TRPV1: variants seen among roughly 807,000 people sequenced by gnomAD.
The protein encoded by TRPV1 is OTRPC1.
In TRPV1, 82 loss-of-function variants were observed where a neutral mutation model predicts 82.3. The observed-to-expected ratio is 1.00, with a 90% CI of 0.83 to 1.20. The LOEUF is 1.20. Ranked by LOEUF, TRPV1 falls within the 50% of genes most tolerant of loss-of-function variation. The probability of loss-of-function intolerance (pLI) is 0.00; values close to 1 mark genes in which losing one functional copy is unlikely to be tolerated. For synonymous variants in TRPV1, 515 were observed against 467.7 expected, an observed-to-expected ratio of 1.10 and a Z score of -1.30; for missense variants, 1,067 against 1,096.8, an observed-to-expected ratio of 0.97 and a Z score of 0.38.
chr17:3,593,112 GTGTGTGTGTGTGTGTGTGTGTGTGTC>G lies in TRPV1; in HGVS notation c.-33-755_-33-730del, dbSNP rs1289698303. On this transcript the variant is annotated intron_variant, in intron 2 of 16. Transcript: ENST00000572705. ...TGTGTGTGTGTGTGTGTGTGTGTGT[GTGTGTGTGTGTGTGTGTGTGTGTGTC>G]TGTGTGTCTCACTCTGTCGCCCAGA... Among the ~76,000 whole-genome samples, 163 of 88,452 alleles carry G rather than the reference GTGTGTGTGTGTGTGTGTGTGTGTGTC, an allele frequency of 1.8e-3. 1 individual carries two copies. The African/African-American group carries it at 0.022, about 12-fold the overall frequency. 58.0% of individuals were successfully genotyped at this position (88,452 alleles called of 152,430 possible). A position where few individuals can be genotyped will look rare whatever the true frequency, so the allele number is the denominator to read the frequency against.
At chr17:3,572,008 G>A in intron 15 of TRPV1, 114 bp downstream of exon 15, 1 of 1,379,476 alleles carries the variant, frequency 7.2e-7, no homozygotes, top group South Asian at 1.4e-5. Context: ...CTGGCATTGG[G>A]AGAGCCCCCT....
chr17:3,568,025 T>C (rs189066997), intron 16 of TRPV1, among the ~76,000 whole-genome samples: 2 of 152,048 alleles, frequency 1.3e-5, no homozygotes, highest in East Asian at 1.9e-4. Flanking sequence ...AAGAGTGACA[T>C]TGAAAAACTA....
intron 2 of TRPV1, among the ~76,000 whole-genome samples, chr17:3,594,154 A>AAGCAGCAGCAGCAGC (rs773915600): frequency 1.0e-5 from 1 of 95,394 alleles, no homozygotes; most frequent in Non-Finnish European, 1.9e-5. Context: ...AAAAAAAAAG[A>AAGCAGCAGCAGCAGC]AGCAGCAGCA....
intron 10 of TRPV1, among the ~76,000 whole-genome samples, chr17:3,580,933 C>T (rs184762747): frequency 9.4e-4 from 143 of 151,690 alleles, no homozygotes; most frequent in Admixed American, 2.2e-3. Context: ...GCAAGAAAAT[C>T]GCTTGAACCC....
chr17:3,599,022 T>A (rs924870979), intron 2 of TRPV1, among the ~76,000 whole-genome samples: 6 of 150,622 alleles, frequency 4.0e-5, no homozygotes. Context: ...GTGGATCACC[T>A]GAGGTCAGGA....
intron 10 of TRPV1, among the ~76,000 whole-genome samples, chr17:3,582,121 C>T (rs1024241641): frequency 7.0e-5 from 9 of 127,694 alleles, no homozygotes; most frequent in East Asian, 2.4e-4. Context: ...ACCCAGGAGG[C>T]GGAGCTTGCA....
At chr17:3,590,855 G>T in intron 5 of TRPV1, 109 bp downstream of exon 5, 1 of 1,415,408 alleles carries the variant, frequency 7.1e-7, no homozygotes, top group Non-Finnish European at 9.3e-7. Flanking sequence ...GCAGTGGCTG[G>T]GACAGGGAGT....
intron 7 of TRPV1, 67 bp from the exon 8 acceptor site, chr17:3,588,434 A>G: frequency 6.6e-7 from 1 of 1,504,244 alleles, no homozygotes; most frequent in Non-Finnish European, 9.0e-7. Flanking sequence ...GTACCTCAAC[A>G]ACCAGCTCTG....
In TRPV1 at chr17:3,592,183, C is replaced by T. The variant is rs1318677441; in HGVS notation, c.168G>A (p.Glu56=). ...RTRLFGKGDS[E]EAFPVDCPHE... ...GAGGGCAATCCACCGGGAAAGCCTC[C>T]TCCGAGTCACCCTTCCCAAAGAGCC... Residue 56 remains glutamate, a synonymous_variant, in exon 3 of 17, where the codon GAG becomes GAA. Coordinates refer to ENST00000572705, the MANE Select transcript of TRPV1 (RefSeq NM_080704.4). 6.2e-7 allele frequency: 1 copy of T among 1,613,574 alleles called. No individual in the cohort carries two copies. The highest frequency in any genetic ancestry group is 1.3e-5 in the African/African-American group (1 of 75,046).
rs967335328 is a variant in TRPV1, at chr17:3,605,043, G to A, written c.-34+3384C>T. Among the ~76,000 whole-genome samples the A allele has an allele frequency of 3.9e-5, 6 of 152,272 alleles. No homozygotes were observed. In the South Asian group the frequency reaches 1.0e-3, roughly 26 times the overall value. ...CAATTTGTCACACTCTGGACATGAC[G>A]ATCACTTTAATGTAAACACATTTAC... On this transcript the variant is annotated intron_variant, in intron 2 of 16. Coordinates refer to ENST00000572705, the MANE Select transcript of TRPV1 (RefSeq NM_080704.4).
At chr17:3,597,262 A>T (rs769437660) in intron 2 of TRPV1, among the ~76,000 whole-genome samples, 1 of 152,162 alleles carries the variant, frequency 6.6e-6, no homozygotes, top group Non-Finnish European at 1.5e-5. Flanking sequence ...CACTTACCAG[A>T]GCCAGCCAGA....
intron 16 of TRPV1, among the ~76,000 whole-genome samples, chr17:3,569,842 C>T (rs2074823161): frequency 6.6e-6 from 1 of 151,924 alleles, no homozygotes; most frequent in African/African-American, 2.4e-5. Context: ...TACTACTCAA[C>T]CTTTAACGTC....
intron 10 of TRPV1, among the ~76,000 whole-genome samples, chr17:3,581,770 A>C: frequency 6.8e-6 from 1 of 147,446 alleles, no homozygotes; most frequent in Admixed American, 6.9e-5. Context: ...CTGTAGTCCC[A>C]GCTACTCGGG....
chr17:3,569,463 AAG>A (rs1368829697), intron 16 of TRPV1, among the ~76,000 whole-genome samples: 2 of 152,212 alleles, frequency 1.3e-5, no homozygotes, highest in Non-Finnish European at 2.9e-5. Context: ...TGCAATTCCC[AAG>A]AGAAGTGAAA....
In TRPV1 at chr17:3,583,419, C is replaced by G; in HGVS notation, c.1395G>C (p.Lys465Asn). Reference protein sequence around the residue: ...YRPVDGLPPFKMEKTGDYFRV... With the variant: ...YRPVDGLPPFNMEKTGDYFRV... Reference sequence around the variant, plus strand: ...GGAAATAGTCTCCAGTTTTTTCCATCTTAAAGGGAGGCTGTGAGATGCAGA... The same window carrying G: ...GGAAATAGTCTCCAGTTTTTTCCATGTTAAAGGGAGGCTGTGAGATGCAGA... Residue 465 changes from lysine to asparagine, a missense_variant, in exon 10 of 17, where the codon AAG becomes AAC. Coordinates refer to ENST00000572705, the MANE Select transcript of TRPV1 (RefSeq NM_080704.4). 6.2e-7 allele frequency: 1 copy of G among 1,603,168 alleles called. No homozygotes were observed. The highest frequency in any genetic ancestry group is 8.5e-7 in the Non-Finnish European group (1 of 1,174,698).
chr17:3,593,589 C>T (rs2075188710), intron 2 of TRPV1, among the ~76,000 whole-genome samples: 1 of 152,122 alleles, frequency 6.6e-6, no homozygotes, highest in Non-Finnish European at 1.5e-5. Context: ...CAAGTCCTAT[C>T]ACCACTCAGA....
intron 5 of TRPV1, among the ~76,000 whole-genome samples, 158 bp downstream of exon 5, chr17:3,590,806 G>A (rs2277677): frequency 0.2 from 31,099 of 151,916 alleles, 3,507 homozygotes; most frequent in Admixed American, 0.25. Context: ...GCCAGCAGAT[G>A]GGAGAGGCAG....
At chr17:3,603,393 C>T (rs1384504779) in intron 2 of TRPV1, among the ~76,000 whole-genome samples, 1 of 152,124 alleles carries the variant, frequency 6.6e-6, no homozygotes. Context: ...GGACGAGGGC[C>T]AATGGAGGGT....
chr17:3,582,365 C>G lies in TRPV1; in HGVS notation c.1476+973G>C, dbSNP rs183146343. On this transcript the variant is annotated intron_variant, in intron 10 of 16. Coordinates refer to ENST00000572705, the MANE Select transcript of TRPV1 (RefSeq NM_080704.4). ...CCAGCCTGGGTGACACAGCAAGACC[C>G]CATCTTATAAAAATTAAAATTAAAA... Among the ~76,000 whole-genome samples the G allele has an allele frequency of 2.6e-5, 4 of 151,578 alleles. No individual in the cohort carries two copies. In the East Asian group the frequency reaches 7.8e-4, roughly 29 times the overall value.
Sources: allele counts gnomAD v4.1 joint callset (sites outside exome capture counted in the v4.1 genomes callset), GRCh38; gene constraint gnomAD v4.1.1; transcripts MANE v1.5; gene names NCBI Gene and HGNC (gene_info 2026-07-23, HGNC 2026-07-21).